MAPK10: variants seen among roughly 807,000 people sequenced by gnomAD.
MAPK10 encodes mitogen-activated protein kinase 10, also known as JNK3 alpha protein kinase.
MAPK10 carries 25 observed loss-of-function variants against 59.3 expected under a neutral mutation model. The ratio of observed to expected loss-of-function variants is 0.42; its 90% CI spans 0.31 to 0.59. The LOEUF (loss-of-function observed/expected upper bound fraction) is 0.59. Among genes scored for constraint, MAPK10 ranks in the 20% least tolerant of loss-of-function variants. MAPK10 has a pLI of 0.15. For synonymous variants in MAPK10, 190 were observed against 200.5 expected, an observed-to-expected ratio of 0.95 and a Z score of 0.44; for missense variants, 351 against 568.9, an observed-to-expected ratio of 0.62 and a Z score of 3.90.
At chr4:86,415,649 C>T (rs1460860150) in intron 1 of MAPK10, among the ~76,000 whole-genome samples, 1 of 152,162 alleles carries the variant, frequency 6.6e-6, no homozygotes, top group Non-Finnish European at 1.5e-5. Flanking sequence ...TAGTTGATAT[C>T]TGGAATTAGC....
At chr4:86,121,850 T>C (rs2059307571) in intron 4 of MAPK10, among the ~76,000 whole-genome samples, 1 of 152,140 alleles carries the variant, frequency 6.6e-6, no homozygotes, top group Admixed American at 6.6e-5. Flanking sequence ...TTTTGTGTGC[T>C]TTGACAAACA....
At chr4:86,330,808 A>G (rs1408485746) in intron 2 of MAPK10, among the ~76,000 whole-genome samples, 1 of 152,154 alleles carries the variant, frequency 6.6e-6, no homozygotes, top group African/African-American at 2.4e-5. Context: ...TTTCATTACT[A>G]TAGGTTAATT....
At chr4:86,506,539 T>C (rs1299583608) in intron 1 of MAPK10, among the ~76,000 whole-genome samples, 1 of 152,124 alleles carries the variant, frequency 6.6e-6, no homozygotes, top group Non-Finnish European at 1.5e-5. Context: ...AGCACTTAGT[T>C]TGTGTTCCCC....
chr4:86,296,528 T>C (rs1435462418), intron 2 of MAPK10, among the ~76,000 whole-genome samples: 3 of 152,216 alleles, frequency 2.0e-5, no homozygotes, highest in Non-Finnish European at 4.4e-5. Context: ...GGAATTTTTC[T>C]GTTAGGTGAA....
chr4:86,227,279 A>AGATC (rs1354800542), intron 2 of MAPK10, among the ~76,000 whole-genome samples: 2 of 152,138 alleles, frequency 1.3e-5, no homozygotes, highest in Non-Finnish European at 2.9e-5. Flanking sequence ...CGAGGTCAGG[A>AGATC]GATCGAGACC....
At chr4:86,577,761 G>C (rs1435668256) in intron 1 of MAPK10, among the ~76,000 whole-genome samples, 1 of 152,110 alleles carries the variant, frequency 6.6e-6, no homozygotes, top group African/African-American at 2.4e-5. Flanking sequence ...CGTTATAAAG[G>C]CTGAATATTG....
intron 1 of MAPK10, among the ~76,000 whole-genome samples, chr4:86,560,070 AAT>A (rs1365571000): frequency 1.4e-4 from 21 of 152,212 alleles, no homozygotes; most frequent in African/African-American, 4.6e-4. Context: ...ATAAAAATAG[AAT>A]ATTACTAATC....
At chr4:86,450,861 G>A (rs1750615630) in intron 1 of MAPK10, among the ~76,000 whole-genome samples, 1 of 152,176 alleles carries the variant, frequency 6.6e-6, no homozygotes, top group South Asian at 2.1e-4. Context: ...AATGCATGCA[G>A]TCCTAGAATT....
intron 4 of MAPK10, among the ~76,000 whole-genome samples, chr4:86,128,206 T>G (rs1405655531): frequency 6.6e-6 from 1 of 152,134 alleles, no homozygotes; most frequent in East Asian, 1.9e-4. Context: ...CCAACTCATT[T>G]GTTTCTAAAG....
At chr4:86,203,685 C>T (rs1407753056) in intron 2 of MAPK10, among the ~76,000 whole-genome samples, 3 of 149,912 alleles carry the variant, frequency 2.0e-5, no homozygotes, top group Non-Finnish European at 4.5e-5. Flanking sequence ...AACACAAAGT[C>T]ATTGTTAATT....
At chr4:86,379,194 C>A (rs1323887413) in intron 1 of MAPK10, among the ~76,000 whole-genome samples, 1 of 152,190 alleles carries the variant, frequency 6.6e-6, no homozygotes, top group East Asian at 1.9e-4. Context: ...CTCCTTAAGT[C>A]CCGGCCTAGC....
chr4:86,482,486 T>C (rs1288011152), intron 1 of MAPK10, among the ~76,000 whole-genome samples: 2 of 151,990 alleles, frequency 1.3e-5, no homozygotes, highest in African/African-American at 4.8e-5. Context: ...TGAAGGATGG[T>C]GGGGGGATGC....
intron 1 of MAPK10, among the ~76,000 whole-genome samples, chr4:86,478,400 C>G (rs1421563149): frequency 6.6e-6 from 1 of 152,198 alleles, no homozygotes; most frequent in Non-Finnish European, 1.5e-5. Flanking sequence ...ATCCAAACAA[C>G]TTGACCTTAC....
At chr4:86,441,092 T>C (rs1267076472) in intron 1 of MAPK10, among the ~76,000 whole-genome samples, 2 of 152,230 alleles carry the variant, frequency 1.3e-5, no homozygotes, top group Non-Finnish European at 2.9e-5. Context: ...TATTAAACTA[T>C]TATATTTAAT....
intron 4 of MAPK10, among the ~76,000 whole-genome samples, chr4:86,139,571 A>G (rs1162758330): frequency 6.6e-6 from 1 of 152,232 alleles, no homozygotes; most frequent in Non-Finnish European, 1.5e-5. Flanking sequence ...ACCTAAAACC[A>G]TAAAAACCCT....
At chr4:86,530,857 G>T (rs1487034977) in intron 1 of MAPK10, among the ~76,000 whole-genome samples, 1 of 152,144 alleles carries the variant, frequency 6.6e-6, no homozygotes, top group African/African-American at 2.4e-5. Flanking sequence ...TTTTCCTGTG[G>T]TCATCTTCAT....
chr4:86,383,783 TA>T (rs1390565971), intron 1 of MAPK10, among the ~76,000 whole-genome samples: 1 of 152,188 alleles, frequency 6.6e-6, no homozygotes, highest in Admixed American at 6.6e-5. Flanking sequence ...CTAAAAGAAT[TA>T]AATACCATTT....
intron 1 of MAPK10, among the ~76,000 whole-genome samples, chr4:86,469,462 C>T (rs1403436708): frequency 1.3e-5 from 2 of 152,100 alleles, no homozygotes; most frequent in Admixed American, 1.3e-4. Flanking sequence ...GACCAGGAAA[C>T]CAGACAGCTC....
intron 11 of MAPK10, among the ~76,000 whole-genome samples, chr4:86,043,341 A>G (rs1403776666): frequency 6.6e-6 from 1 of 152,194 alleles, no homozygotes; most frequent in African/African-American, 2.4e-5. Context: ...GGGTGCAGAA[A>G]GGAAGGTGTT....
Sources: gnomAD v4.1 joint callset for allele counts (sites outside exome capture counted in the v4.1 genomes callset) on GRCh38, gnomAD v4.1.1 for gene constraint, MANE v1.5 for transcripts, NCBI Gene and HGNC (gene_info 2026-07-23, HGNC 2026-07-21) for gene names.